Variants in ERC1 observed in about 807,000 individuals in gnomAD.
ERC1 encodes RAB6 interacting protein 2.
In ERC1, 56 loss-of-function variants were observed where a neutral mutation model predicts 132.0. The observed-to-expected ratio is 0.42, with a 90% confidence interval of 0.34 to 0.53. The LOEUF is 0.53. Among genes scored for constraint, ERC1 ranks in the 20% least tolerant of loss-of-function variants. The pLI is 0.03. For synonymous variants in ERC1, 478 were observed against 476.1 expected, an observed-to-expected ratio of 1.00 and a Z score of -0.05; for missense variants, 1,202 against 1,349.9, an observed-to-expected ratio of 0.89 and a Z score of 1.72.
chr12:1,164,229 C>G (rs1321597418), intron 8 of ERC1, among the ~76,000 whole-genome samples: 1 of 82,582 alleles, frequency 1.2e-5, no homozygotes, highest in African/African-American at 7.9e-5. Flanking sequence ...CAGAACCTGC[C>G]CTTTTTATTT....
chr12:1,369,033 T>C (rs2086925697), intron 15 of ERC1, among the ~76,000 whole-genome samples: 1 of 152,168 alleles, frequency 6.6e-6, no homozygotes, highest in African/African-American at 2.4e-5. Context: ...TTCTGTATAG[T>C]CCATAGCATA....
chr12:1,154,802 A>G (rs1039753744), intron 8 of ERC1, among the ~76,000 whole-genome samples: 1 of 152,228 alleles, frequency 6.6e-6, no homozygotes, highest in Admixed American at 6.5e-5. Flanking sequence ...AATGTATGAA[A>G]AAATGCTCAG....
At chr12:1,106,168 A>G (rs1299718862) in intron 4 of ERC1, among the ~76,000 whole-genome samples, 1 of 152,222 alleles carries the variant, frequency 6.6e-6, no homozygotes, top group Non-Finnish European at 1.5e-5. Flanking sequence ...GGTGATAGTA[A>G]TAGTACTCAT....
intron 14 of ERC1, among the ~76,000 whole-genome samples, chr12:1,272,252 A>G (rs1311800429): frequency 6.6e-6 from 1 of 152,186 alleles, no homozygotes; most frequent in Non-Finnish European, 1.5e-5. Context: ...AACATCTACC[A>G]CTATTGGTAC....
At chr12:1,116,597 C>T (rs559010336) in intron 7 of ERC1, among the ~76,000 whole-genome samples, 14 of 145,982 alleles carry the variant, frequency 9.6e-5, no homozygotes, top group South Asian at 8.5e-4. Context: ...GATGGCCTCT[C>T]GCTCTGTTGC....
At chr12:1,143,164 G>A (rs772214546) in intron 8 of ERC1, among the ~76,000 whole-genome samples, 2 of 152,058 alleles carry the variant, frequency 1.3e-5, no homozygotes, top group Non-Finnish European at 2.9e-5. Flanking sequence ...TGGGCCTCCC[G>A]AAGTACTGGG....
At chr12:1,000,013 A>G (rs1313811706) in intron 1 of ERC1, among the ~76,000 whole-genome samples, 2 of 152,164 alleles carry the variant, frequency 1.3e-5, no homozygotes, top group African/African-American at 4.8e-5. Context: ...CAACTCTTGA[A>G]CAGTCATTTT....
chr12:1,386,681 A>G (rs1165471598), intron 16 of ERC1: 1 of 132,516 alleles, frequency 7.5e-6, no homozygotes, highest in Non-Finnish European at 1.7e-5. Context: ...AAAAGTACAC[A>G]TGTCTAAGTA....
intron 8 of ERC1, among the ~76,000 whole-genome samples, chr12:1,148,064 A>G (rs1950535005): frequency 6.6e-6 from 1 of 152,196 alleles, no homozygotes; most frequent in African/African-American, 2.4e-5. Context: ...ACATGACAGC[A>G]AGCTACTAAA....
chr12:1,340,134 C>T (rs1291600846), intron 15 of ERC1, among the ~76,000 whole-genome samples: 3 of 152,144 alleles, frequency 2.0e-5, no homozygotes, highest in Non-Finnish European at 4.4e-5. Context: ...TTCCCCAGCA[C>T]AGGAGCTATA....
intron 14 of ERC1, among the ~76,000 whole-genome samples, chr12:1,269,465 A>G (rs779509730): frequency 2.6e-5 from 4 of 152,196 alleles, no homozygotes; most frequent in Non-Finnish European, 4.4e-5. Flanking sequence ...ACTGGCGGGC[A>G]AGAACAGTGC....
At chr12:1,398,007 T>G (rs1485908379) in intron 16 of ERC1, among the ~76,000 whole-genome samples, 1 of 152,150 alleles carries the variant, frequency 6.6e-6, no homozygotes, top group African/African-American at 2.4e-5. Flanking sequence ...AAGTTTTTTT[T>G]AGTGGTCTCA....
intron 13 of ERC1, chr12:1,244,505 T>G (rs1337018901): frequency 4.3e-6 from 1 of 231,312 alleles, no homozygotes; most frequent in South Asian, 3.0e-5. Context: ...ATGGTTTGTT[T>G]GTTTGTTTGT....
chr12:1,272,186 A>C (rs1594699664), intron 14 of ERC1, among the ~76,000 whole-genome samples: 1 of 152,330 alleles, frequency 6.6e-6, no homozygotes, highest in East Asian at 1.9e-4. Context: ...CATTAAAGAG[A>C]TGGTATCTGT....
chr12:1,126,613 T>C (rs1480884796), intron 7 of ERC1, among the ~76,000 whole-genome samples: 1 of 152,160 alleles, frequency 6.6e-6, no homozygotes, highest in African/African-American at 2.4e-5. Context: ...AAGAAAACCA[T>C]TGGCAAAGCT....
chr12:1,074,608 A>G (rs1178048339), intron 2 of ERC1, among the ~76,000 whole-genome samples: 1 of 152,130 alleles, frequency 6.6e-6, no homozygotes, highest in African/African-American at 2.4e-5. Flanking sequence ...ATTTTCATTT[A>G]TTCTTTAACT....
At chr12:1,331,608 G>T (rs1428385389) in intron 15 of ERC1, among the ~76,000 whole-genome samples, 1 of 152,166 alleles carries the variant, frequency 6.6e-6, no homozygotes, top group Non-Finnish European at 1.5e-5. Flanking sequence ...GATTCGTTAT[G>T]CCCTGATCCT....
intron 16 of ERC1, among the ~76,000 whole-genome samples, chr12:1,394,593 T>C (rs1307620530): frequency 2.0e-5 from 3 of 152,134 alleles, no homozygotes; most frequent in Non-Finnish European, 2.9e-5. Context: ...TTCCTCCCTG[T>C]TGTTCTCATG....
intron 7 of ERC1, among the ~76,000 whole-genome samples, chr12:1,129,548 G>A (rs1948552981): frequency 6.6e-6 from 1 of 151,896 alleles, no homozygotes; most frequent in Admixed American, 6.6e-5. Context: ...CAACCTGCTG[G>A]GGAGAAAAAA....
Sources: gnomAD v4.1 joint callset for allele counts (sites outside exome capture counted in the v4.1 genomes callset) on GRCh38, gnomAD v4.1.1 for gene constraint, MANE v1.5 for transcripts, NCBI Gene and HGNC (gene_info 2026-07-23, HGNC 2026-07-21) for gene names.